CRMP1: variants seen among roughly 807,000 people sequenced by gnomAD.
CRMP1 encodes collapsin response mediator protein 1, also known as dihydropyrimidinase-related protein 1.
In CRMP1, 19 loss-of-function variants were observed where a neutral mutation model predicts 68.3. The observed-to-expected ratio is 0.28, with a 90% CI of 0.19 to 0.41. The LOEUF (loss-of-function observed/expected upper bound fraction) is 0.41. Among genes scored for constraint, CRMP1 ranks in the 10% least tolerant of loss-of-function variants. The pLI, the probability that CRMP1 is intolerant of heterozygous loss-of-function variation, is 1.00. For missense variants in CRMP1, 791 were observed against 967.4 expected (o/e 0.82, Z 2.42); for synonymous variants, 439 against 399.6 (o/e 1.10, Z -1.18).
rs921461404 is a variant in CRMP1, at chr4:5,892,158, A to C, written c.381+431T>G. Among the ~76,000 whole-genome samples, 1 of 151,998 alleles carries C rather than the reference A, an allele frequency of 6.6e-6. No homozygotes were observed. Among genetic ancestry groups the C allele is most frequent in the Admixed American group, 6.5e-5 (1 of 15,274 alleles). ...CCCGGCACACAGTAGGTGCTCTATAATTACTACCGACTGAGTGGATGGATG... is the reference window on the plus strand; with the variant it reads ...CCCGGCACACAGTAGGTGCTCTATACTTACTACCGACTGAGTGGATGGATG... On this transcript the variant is annotated intron_variant, in intron 1 of 13. Coordinates refer to ENST00000324989, the MANE Select transcript of CRMP1 (RefSeq NM_001014809.3). This position sits in a 1 kb window ranked among gnomAD's most constrained non-coding sequence, Gnocchi z 8.6.
intron 2 of CRMP1, among the ~76,000 whole-genome samples, chr4:5,863,383 G>C (rs1036854163): frequency 2.6e-5 from 4 of 152,262 alleles, no homozygotes; most frequent in East Asian, 1.9e-4. Context: ...TCAGTGATGG[G>C]CCCAGATTCA....
chr4:5,821,124 GAC>G lies in CRMP1; in HGVS notation c.*634_*635del, dbSNP rs1718471811. On this transcript the variant is annotated 3_prime_UTR_variant, in exon 14 of 14. Transcript: ENST00000324989. This position sits in a 1 kb window ranked among gnomAD's most constrained non-coding sequence, Gnocchi z 4.4. Reference sequence around the variant, plus strand: ...AAGTGCCACGGAGACCAGGGTTTCTGACACAGGATGTGGAGGATGCTTCTCTG... The same window carrying G: ...AAGTGCCACGGAGACCAGGGTTTCTGACAGGATGTGGAGGATGCTTCTCTG... 1 of 152,456 alleles carries G rather than the reference GAC, an allele frequency of 6.6e-6. No homozygotes were observed. The highest frequency in any genetic ancestry group is 6.5e-5 in the Admixed American group (1 of 15,308). The allele number at this position is 152,456 out of a possible 1,614,324, so 9.4% of individuals were successfully genotyped here.
chr4:5,839,829 C>T (rs1711568546), intron 8 of CRMP1, 151 bp from the exon 9 acceptor site: 2 of 924,344 alleles, frequency 2.2e-6, no homozygotes, highest in Non-Finnish European at 3.1e-6. Context: ...ACCGCCTGCA[C>T]CGCAGGGACC....
chr4:5,825,609 G>A lies in CRMP1; in HGVS notation c.1854C>T (p.Tyr618=), dbSNP rs1183594573. 3.7e-6 allele frequency: 6 copies of A among 1,605,412 alleles called. No homozygotes were observed. Among genetic ancestry groups the A allele is most frequent in the East Asian group, 2.3e-5 (1 of 44,424 alleles). ...VSRGMYDGPV[Y]EVPATPKYAT... Reference sequence around the variant, plus strand: ...CATATTTGGGTGTAGCTGGTACCTCGTACACAGGACCGTCATACATGCCCC... The same window carrying A: ...CATATTTGGGTGTAGCTGGTACCTCATACACAGGACCGTCATACATGCCCC... Residue 618 remains tyrosine (Y), a synonymous_variant, in exon 13 of 14, where the codon TAC becomes TAT. Coordinates refer to ENST00000324989, the MANE Select transcript of CRMP1 (RefSeq NM_001014809.3). This position sits in a 1 kb window ranked among gnomAD's most constrained non-coding sequence, Gnocchi z 4.4.
In CRMP1 at chr4:5,891,778, G is replaced by T. The variant is rs1021010852; in HGVS notation, c.381+811C>A. 7.9e-5 allele frequency among the ~76,000 whole-genome samples: 12 copies of T among 152,186 alleles called. No individual in the cohort carries two copies. The highest frequency in any genetic ancestry group is 2.9e-4 in the African/African-American group (12 of 41,442). ...TCCGCCCTTCTTCCCCCAGTTTCCT[G>T]GTGACCCCCAGCTCAAGAGAGAATA... On this transcript the variant is annotated intron_variant, in intron 1 of 13. Coordinates refer to ENST00000324989, the MANE Select transcript of CRMP1 (RefSeq NM_001014809.3). The surrounding 1 kb of genome is among the most constrained non-coding windows in gnomAD (Gnocchi z 5.2).
rs1303557464 is a variant in CRMP1, at chr4:5,879,923, G to A, written c.381+12666C>T. ...TAAAGGAAAACCTAACACCGTATGC[G>A]GAAATCATGATAGAGGAGGAATAAA... On this transcript the variant is annotated intron_variant, in intron 1 of 13. Transcript: ENST00000324989. This position sits in a 1 kb window ranked among gnomAD's most constrained non-coding sequence, Gnocchi z 4.2. 2.0e-5 allele frequency among the ~76,000 whole-genome samples: 3 copies of A among 152,136 alleles called. No individual in the cohort carries two copies. The highest frequency in any genetic ancestry group is 4.4e-5 in the Non-Finnish European group (3 of 68,036).
intron 4 of CRMP1, among the ~76,000 whole-genome samples, chr4:5,852,577 C>T (rs1712740130): frequency 6.6e-6 from 1 of 152,216 alleles, no homozygotes; most frequent in Non-Finnish European, 1.5e-5. Context: ...TGGGCATGTG[C>T]TAAGCACTTG....
At chr4:5,867,813 T>A (rs754401386) in intron 1 of CRMP1, among the ~76,000 whole-genome samples, 1 of 152,006 alleles carries the variant, frequency 6.6e-6, no homozygotes, top group Non-Finnish European at 1.5e-5. Context: ...AGAAAATAAG[T>A]CTAAAAAAGA....
chr4:5,828,091 G>A lies in CRMP1; in HGVS notation c.1803+398C>T, dbSNP rs1467968822. The A allele has an allele frequency of 6.1e-6, 6 of 985,288 alleles. No homozygotes were observed. In the African/African-American group the frequency reaches 1.0e-4, roughly 17 times the overall value. 61.0% of individuals were successfully genotyped at this position (985,288 alleles called of 1,614,324 possible). A position where few individuals can be genotyped will look rare whatever the true frequency, so the allele number is the denominator to read the frequency against. The stretch of plus-strand genomic sequence containing the variant: ...CCTTGCTCCACAGGGCCAGACCCGA[G>A]GGTTTCTGAGCCGTGACTCTGGCTA... On this transcript the variant is annotated intron_variant, in intron 12 of 13. Coordinates refer to ENST00000324989, the MANE Select transcript of CRMP1 (RefSeq NM_001014809.3).
At chr4:5,867,292 G>A (rs999970183) in intron 1 of CRMP1, among the ~76,000 whole-genome samples, 10 of 152,148 alleles carry the variant, frequency 6.6e-5, no homozygotes, top group Non-Finnish European at 2.9e-5. Flanking sequence ...AGGCCCCACA[G>A]CACACCTGCC....
At position 5,854,120 on chromosome 4, in the gene CRMP1, G is replaced by T. The variant is rs577094199; in HGVS notation, c.820+2023C>A. Among the ~76,000 whole-genome samples the T allele has an allele frequency of 2.6e-5, 4 of 152,320 alleles. No individual in the cohort carries two copies. In the South Asian group the frequency reaches 8.3e-4, roughly 32 times the overall value. On this transcript the variant is annotated intron_variant, in intron 4 of 13. Coordinates refer to ENST00000324989, the MANE Select transcript of CRMP1 (RefSeq NM_001014809.3). This position sits in a 1 kb window ranked among gnomAD's most constrained non-coding sequence, Gnocchi z 4.0. Reference sequence around the variant, plus strand: ...CCTAAACGACCATTTGCTTAAGGCGGCAACCTGGGGAAAATTGCTCAGAAC... The same window carrying T: ...CCTAAACGACCATTTGCTTAAGGCGTCAACCTGGGGAAAATTGCTCAGAAC...
Position 5,821,012 on chromosome 4 carries a change from TC to T in CRMP1, c.*747del, listed in dbSNP as rs1338418706. ...AGCCCCGAATGGGGATGGGGAGACCTCTTTCTGAGTGTGAACCTGGCTCGGC... is the reference window on the plus strand; with the variant it reads ...AGCCCCGAATGGGGATGGGGAGACCTTTTCTGAGTGTGAACCTGGCTCGGC... On this transcript the variant is annotated 3_prime_UTR_variant, in exon 14 of 14. Coordinates refer to ENST00000324989, the MANE Select transcript of CRMP1 (RefSeq NM_001014809.3). This position sits in a 1 kb window ranked among gnomAD's most constrained non-coding sequence, Gnocchi z 4.4. 1.3e-5 allele frequency: 2 copies of T among 152,256 alleles called. No individual in the cohort carries two copies. The highest frequency in any genetic ancestry group is 2.9e-5 in the Non-Finnish European group (2 of 68,084). 9.4% of individuals were successfully genotyped at this position (152,256 alleles called of 1,614,324 possible). A position where few individuals can be genotyped will look rare whatever the true frequency, so the allele number is the denominator to read the frequency against.
Position 5,891,175 on chromosome 4 carries a change from TACACACACACACACACACACAC to T in CRMP1, c.381+1392_381+1413del, listed in dbSNP as rs58583102. On this transcript the variant is annotated intron_variant, in intron 1 of 13. Coordinates refer to ENST00000324989, the MANE Select transcript of CRMP1 (RefSeq NM_001014809.3). This position sits in a 1 kb window ranked among gnomAD's most constrained non-coding sequence, Gnocchi z 5.2. ...TGATCACCCCACCACCACACACACA[TACACACACACACACACACACAC>T]ACACACACACACACACCCTTGCTGT... Among the ~76,000 whole-genome samples the T allele has an allele frequency of 7.6e-6, 1 of 131,964 alleles. No individual in the cohort carries two copies. The highest frequency in any genetic ancestry group is 2.9e-5 in the African/African-American group (1 of 34,374). 86.6% of individuals were successfully genotyped at this position (131,964 alleles called of 152,430 possible).
At chr4:5,835,185 G>T (rs1720652990) in intron 11 of CRMP1, among the ~76,000 whole-genome samples, 1 of 152,236 alleles carries the variant, frequency 6.6e-6, no homozygotes, top group Admixed American at 6.5e-5. Flanking sequence ...CACTACTTCT[G>T]GCCTGTGTGC....
Position 5,855,612 on chromosome 4 carries a change from C to G in CRMP1, c.820+531G>C, listed in dbSNP as rs1713000877. 2.0e-5 allele frequency among the ~76,000 whole-genome samples: 3 copies of G among 152,322 alleles called. No individual in the cohort carries two copies. The South Asian group carries it at 6.2e-4, about 32-fold the overall frequency. On this transcript the variant is annotated intron_variant, in intron 4 of 13. Coordinates refer to ENST00000324989, the MANE Select transcript of CRMP1 (RefSeq NM_001014809.3). This position sits in a 1 kb window ranked among gnomAD's most constrained non-coding sequence, Gnocchi z 4.9. ...CTCAGGGTTTGGCAGAAGAGCCAGA[C>G]AGACAAACCATGTCCCATAATCCAG...
Position 5,825,235 on chromosome 4 carries a change from G to A in CRMP1, c.1969+259C>T. The A allele has an allele frequency of 2.0e-6, 2 of 985,270 alleles. No homozygotes were observed. The highest frequency in any genetic ancestry group is 2.4e-6 in the Non-Finnish European group (2 of 829,918). The allele number at this position is 985,270 out of a possible 1,614,324, so 61.0% of individuals were successfully genotyped here. On this transcript the variant is annotated intron_variant, in intron 13 of 13. Transcript: ENST00000324989. This position sits in a 1 kb window ranked among gnomAD's most constrained non-coding sequence, Gnocchi z 4.4. ...CAAATGTGTGTAAGGATGAGCACTG[G>A]GACAATTTTGGTACCTCTCTTTGTA...
At chr4:5,833,897 T>A (rs1189865998) in intron 11 of CRMP1, among the ~76,000 whole-genome samples, 2 of 152,070 alleles carry the variant, frequency 1.3e-5, no homozygotes, top group Non-Finnish European at 2.9e-5. Context: ...CAAAACAAAA[T>A]TAGCCGGGCG....
Position 5,888,192 on chromosome 4 carries a change from G to T in CRMP1, c.381+4397C>A, listed in dbSNP as rs1356226787. 3.2e-6 allele frequency: 4 copies of T among 1,251,264 alleles called. No homozygotes were observed. In the East Asian group the frequency reaches 9.4e-5, roughly 29 times the overall value. The allele number at this position is 1,251,264 out of a possible 1,614,324, so 77.5% of individuals were successfully genotyped here. ...CGGGCGCCCACTCCCAGCCCACAAAGGCCAGCGCGGGGCGGCGGGGGCGGG... is the reference window on the plus strand; with the variant it reads ...CGGGCGCCCACTCCCAGCCCACAAATGCCAGCGCGGGGCGGCGGGGGCGGG... On this transcript the variant is annotated intron_variant, in intron 1 of 13. Transcript: ENST00000324989. The surrounding 1 kb of genome is among the most constrained non-coding windows in gnomAD (Gnocchi z 6.4).
chr4:5,863,023 G>A (rs906551768), intron 2 of CRMP1, among the ~76,000 whole-genome samples: 2 of 151,978 alleles, frequency 1.3e-5, no homozygotes, highest in Non-Finnish European at 2.9e-5. Context: ...ATGTTGCCCA[G>A]GCTAATCTTG....
Sources: gnomAD v4.1 joint callset for allele counts (sites outside exome capture counted in the v4.1 genomes callset) on GRCh38, gnomAD v4.1.1 for gene constraint, Gnocchi (gnomAD v3.1) non-coding constraint, MANE v1.5 for transcripts, NCBI Gene and HGNC (gene_info 2026-07-23, HGNC 2026-07-21) for gene names.